Variants in GSE1 observed in about 807,000 individuals in gnomAD.
The protein encoded by GSE1 is Gse1 coiled-coil protein, also known as genetic suppressor element 1.
In GSE1, 32 loss-of-function variants were observed where a neutral mutation model predicts 112.6. That is an observed-to-expected ratio of 0.28 (90% CI 0.21 to 0.38). The LOEUF (loss-of-function observed/expected upper bound fraction) is 0.38, where lower values mean the gene tolerates loss of function less well. GSE1 is among the 10% of genes least tolerant of loss of function. GSE1 has a pLI of 1.00. For missense variants in GSE1, 2,348 were observed against 1,699.2 expected (o/e 1.38, Z -6.71); for synonymous variants, 1,115 against 735.6 (o/e 1.52, Z -8.35).
intron 2 of GSE1, among the ~76,000 whole-genome samples, chr16:85,382,591 C>G (rs1426995674): frequency 6.6e-6 from 1 of 152,162 alleles, no homozygotes; most frequent in Non-Finnish European, 1.5e-5. Context: ...TCGGAGCCCA[C>G]ACCCGGAGAT....
At chr16:85,313,436 G>C (rs954826276) in intron 1 of GSE1, among the ~76,000 whole-genome samples, 1 of 152,188 alleles carries the variant, frequency 6.6e-6, no homozygotes, top group Non-Finnish European at 1.5e-5. Flanking sequence ...GCCAGGGCCA[G>C]GCCATCTCGG....
Position 85,510,304 on chromosome 16 carries a change from A to G in GSE1, c.2465-123610A>G, listed in dbSNP as rs111624633. ...CACTGTGTGAGGCCCAGCACGAAAGACTCCTTCCCTCTGGGCTGATAAATT... is the reference window on the plus strand; with the variant it reads ...CACTGTGTGAGGCCCAGCACGAAAGGCTCCTTCCCTCTGGGCTGATAAATT... On this transcript the variant is annotated intron_variant, in intron 2 of 2. Transcript: ENST00000637419. Among the ~76,000 whole-genome samples the G allele has an allele frequency of 8.8e-4, 133 of 151,882 alleles. 1 individual carries two copies. The highest frequency in any genetic ancestry group is 3.2e-3 in the African/African-American group (132 of 41,410).
intron 1 of GSE1, among the ~76,000 whole-genome samples, chr16:85,180,785 G>T (rs2074567318): frequency 6.6e-6 from 1 of 152,196 alleles, no homozygotes; most frequent in Non-Finnish European, 1.5e-5. Flanking sequence ...GGAGATGAAG[G>T]TAGATGGGGT....
chr16:85,555,968 G>C, exon 1 of GSE1: 3 of 980,392 alleles, frequency 3.1e-6, no homozygotes, highest in Non-Finnish European at 3.6e-6. Flanking sequence ...TTTTTTATTT[G>C]CATCTCAAGT....
At chr16:85,637,656 C>T (rs2050114906) in intron 2 of GSE1, among the ~76,000 whole-genome samples, 1 of 152,252 alleles carries the variant, frequency 6.6e-6, no homozygotes, top group South Asian at 2.1e-4. Context: ...TTGCCCGGGT[C>T]CCACGTTGTA....
chr16:85,625,999 G>C (rs1375657522), intron 1 of GSE1, among the ~76,000 whole-genome samples: 1 of 152,138 alleles, frequency 6.6e-6, no homozygotes, highest in Non-Finnish European at 1.5e-5. Context: ...TCTTGTTCCA[G>C]GTCAGGATCC....
At chr16:85,538,482 C>G (rs957510406) in intron 2 of GSE1, among the ~76,000 whole-genome samples, 2 of 152,218 alleles carry the variant, frequency 1.3e-5, no homozygotes, top group African/African-American at 4.8e-5. Flanking sequence ...CCTTTCACCT[C>G]CTGGCATGTA....
At chr16:85,655,215 C>T (rs1169843212) in intron 5 of GSE1, among the ~76,000 whole-genome samples, 3 of 152,186 alleles carry the variant, frequency 2.0e-5, no homozygotes, top group Non-Finnish European at 4.4e-5. Flanking sequence ...GTACTGTCAT[C>T]CTTGGCTCCT....
chr16:85,544,988 T>C (rs1410504991), intron 2 of GSE1, among the ~76,000 whole-genome samples: 2 of 152,230 alleles, frequency 1.3e-5, no homozygotes, highest in African/African-American at 4.8e-5. Context: ...TTTATTCCCA[T>C]ATTTCTCCTC....
chr16:85,244,231 G>C (rs1005465854), intron 1 of GSE1, among the ~76,000 whole-genome samples: 1 of 152,200 alleles, frequency 6.6e-6, no homozygotes, highest in Non-Finnish European at 1.5e-5. Context: ...CTTGTAAGTG[G>C]AGAGGAGGCA....
intron 2 of GSE1, among the ~76,000 whole-genome samples, chr16:85,512,844 G>A (rs1272029537): frequency 6.6e-6 from 1 of 152,136 alleles, no homozygotes; most frequent in African/African-American, 2.4e-5. Context: ...AATCTTGCCT[G>A]TGTATTTCCG....
chr16:85,622,565 G>A (rs2048809221), intron 1 of GSE1, among the ~76,000 whole-genome samples: 2 of 152,226 alleles, frequency 1.3e-5, no homozygotes, highest in African/African-American at 4.8e-5. Context: ...TGGTAAAACT[G>A]TATGTAACAT....
intron 1 of GSE1, among the ~76,000 whole-genome samples, chr16:85,183,141 G>T (rs555981107): frequency 9.2e-5 from 14 of 151,676 alleles, no homozygotes; most frequent in South Asian, 8.3e-4. Context: ...CGCCACATTC[G>T]CACTCATACA....
intron 1 of GSE1, among the ~76,000 whole-genome samples, chr16:85,309,862 G>C (rs2045786577): frequency 6.6e-6 from 1 of 152,214 alleles, no homozygotes. Flanking sequence ...CAGCTGATGT[G>C]GTTACAGCTG....
At chr16:85,331,385 A>ATATATATGTATATATATGTG (rs1555563716) in intron 1 of GSE1, among the ~76,000 whole-genome samples, 2 of 135,860 alleles carry the variant, frequency 1.5e-5, no homozygotes, top group African/African-American at 5.3e-5. Flanking sequence ...ATATATATGT[A>ATATATATGTATATATATGTG]TATATATGTG....
chr16:85,279,326 G>A (rs931752772), intron 1 of GSE1, among the ~76,000 whole-genome samples: 2 of 152,216 alleles, frequency 1.3e-5, no homozygotes, highest in African/African-American at 4.8e-5. Flanking sequence ...AGTGCCATGG[G>A]GCTGTGTGTG....
In GSE1 at chr16:85,623,503, G is replaced by A. The variant is rs560867849; in HGVS notation, c.7+10105G>A. Among the ~76,000 whole-genome samples the A allele has an allele frequency of 3.3e-5, 5 of 152,226 alleles. No homozygotes were observed. In the East Asian group the frequency reaches 7.7e-4, roughly 24 times the overall value. The stretch of plus-strand genomic sequence containing the variant: ...CATGAGTCAGCCTGGGCCCACCCCC[G>A]TTCCCCTTGGTTTTCCAGCTCAGGA... On this transcript the variant is annotated intron_variant, in intron 1 of 15. Transcript: ENST00000253458.
chr16:85,403,093 G>C (rs575666027), intron 2 of GSE1, among the ~76,000 whole-genome samples: 5 of 151,732 alleles, frequency 3.3e-5, no homozygotes, highest in Admixed American at 2.0e-4. Flanking sequence ...ATGGTTGCTG[G>C]GGGGGGACTC....
intron 1 of GSE1, among the ~76,000 whole-genome samples, chr16:85,626,614 G>A (rs777016164): frequency 3.3e-5 from 5 of 152,220 alleles, no homozygotes; most frequent in Admixed American, 6.5e-5. Flanking sequence ...CCCCACGGGG[G>A]GCTGTCAGGG....
Sources: allele counts gnomAD v4.1 joint callset (sites outside exome capture counted in the v4.1 genomes callset), GRCh38; gene constraint gnomAD v4.1.1; transcripts MANE v1.5; gene names NCBI Gene and HGNC (gene_info 2026-07-23, HGNC 2026-07-21).